TULP4: variants seen among roughly 807,000 people sequenced by gnomAD.
TULP4 encodes the protein TUB like protein 4, also known as tubby-related protein 4.
Under a neutral mutation model 129.0 loss-of-function variants are expected in TULP4, and 16 were observed. The ratio of observed to expected loss-of-function variants is 0.12; its 90% CI spans 0.08 to 0.19. TULP4 has a LOEUF of 0.19. Among genes scored for constraint, TULP4 ranks in the 10% least tolerant of loss-of-function variants. TULP4 has a pLI of 1.00. For synonymous variants in TULP4, 998 were observed against 854.0 expected (o/e 1.17, Z -2.94); for missense variants, 1,842 against 2,059.1 (o/e 0.89, Z 2.04).
Position 158,507,808 on chromosome 6 carries a change from G to T in TULP4, c.*1114G>T, listed in dbSNP as rs1780639379. 1 of 152,130 alleles carries T rather than the reference G, an allele frequency of 6.6e-6. No homozygotes were observed. Among genetic ancestry groups the T allele is most frequent in the Non-Finnish European group, 1.5e-5 (1 of 68,024 alleles). The allele number at this position is 152,130 out of a possible 1,614,324, so 9.4% of individuals were successfully genotyped here. ...CTCTTGGCTACATTAAAATTCAGTT[G>T]ACTACAAATGCTTTCTATCAAATTA... is the stretch of plus-strand genomic sequence containing the variant. On this transcript the variant is annotated 3_prime_UTR_variant, in exon 14 of 14. Transcript: ENST00000367097.
chr6:158,299,726 A>C (rs761063182), intron 1 of TULP4, among the ~76,000 whole-genome samples: 6 of 152,226 alleles, frequency 3.9e-5, no homozygotes, highest in Non-Finnish European at 8.8e-5. Context: ...TCGTTAGCAT[A>C]GATTTCCACA....
rs1285429061 is a variant in TULP4 at position 158,502,125 on chromosome 6, G to A, written c.2462G>A (p.Ser821Asn). Residue 821 changes from serine to asparagine, a missense_variant, in exon 13 of 14, where the codon AGT becomes AAT. This residue lies in a region of TULP4 where 1,089 missense variants were observed against 987.1 expected (regional missense o/e 1.10). Coordinates refer to ENST00000367097, the MANE Select transcript of TULP4 (RefSeq NM_020245.5). ...LAAEGDAVVF[S>N]APQEVQVTKI... ...GCTGAGGGGGACGCAGTGGTCTTTA[G>A]TGCCCCCCAGGAGGTCCAGGTGACG... 1.2e-6 allele frequency: 2 copies of A among 1,607,228 alleles called. No homozygotes were observed. The highest frequency in any genetic ancestry group is 2.2e-5 in the East Asian group (1 of 44,836).
upstream of TULP4, among the ~76,000 whole-genome samples, chr6:158,279,189 G>A (rs1372632751): frequency 6.6e-6 from 1 of 151,952 alleles, no homozygotes; most frequent in Admixed American, 6.6e-5. Flanking sequence ...TGATCCGCCT[G>A]CCTCGGCCTC....
intron 1 of TULP4, among the ~76,000 whole-genome samples, chr6:158,243,405 G>A (rs1447677670): frequency 6.6e-6 from 1 of 151,270 alleles, no homozygotes; most frequent in Admixed American, 6.7e-5. Context: ...GTGTATGTAT[G>A]TGTGTGTATG....
intron 1 of TULP4, among the ~76,000 whole-genome samples, chr6:158,293,148 A>G (rs567251086): frequency 6.6e-5 from 10 of 152,352 alleles, no homozygotes; most frequent in Admixed American, 2.0e-4. Context: ...ACATGTTCAT[A>G]TTCTCAGAAT....
chr6:158,239,319 C>T (rs1265536598), intron 1 of TULP4, among the ~76,000 whole-genome samples: 2 of 52,844 alleles, frequency 3.8e-5, no homozygotes, highest in South Asian at 7.4e-4. Flanking sequence ...CGGGCAGAGG[C>T]GCCCCTCACC....
At chr6:158,242,708 C>T in intron 1 of TULP4, 1 of 553,642 alleles carries the variant, frequency 1.8e-6, no homozygotes, top group Non-Finnish European at 3.4e-6. Flanking sequence ...CTTTGTGGAT[C>T]TGCAGTATCT....
In TULP4 at chr6:158,330,639, A is replaced by G. The variant is rs571489243; in HGVS notation, c.252+16371A>G. The stretch of plus-strand genomic sequence containing the variant: ...TATAGTACAGTTAGTTATCAACTTC[A>G]GGAAATTTAACGTCAATTCAATACT... On this transcript the variant is annotated intron_variant, in intron 1 of 13. Coordinates refer to ENST00000367097, the MANE Select transcript of TULP4 (RefSeq NM_020245.5). Among the ~76,000 whole-genome samples the G allele has an allele frequency of 3.9e-5, 6 of 152,358 alleles. No homozygotes were observed. The South Asian group carries it at 1.2e-3, about 32-fold the overall frequency.
chr6:158,477,786 A>G (rs553051608), intron 6 of TULP4, among the ~76,000 whole-genome samples: 86 of 152,160 alleles, frequency 5.7e-4, no homozygotes, highest in African/African-American at 2.0e-3. Flanking sequence ...TATTTGTTCT[A>G]TCATAAAGAC....
At chr6:158,381,276 G>A (rs926648411) in intron 1 of TULP4, among the ~76,000 whole-genome samples, 3 of 151,720 alleles carry the variant, frequency 2.0e-5, no homozygotes, top group Non-Finnish European at 4.4e-5. Context: ...CTGAGCGTCT[G>A]TTCTTGAATT....
chr6:158,480,904 C>G lies in TULP4; in HGVS notation c.1252-151C>G, dbSNP rs1271399003. The G allele has an allele frequency of 2.7e-5, 17 of 639,228 alleles. No individual in the cohort carries two copies. The East Asian group carries it at 4.6e-4, about 17-fold the overall frequency. The allele number at this position is 639,228 out of a possible 1,614,324, so 39.6% of individuals were successfully genotyped here. On this transcript the variant is annotated intron_variant, in intron 7 of 13. Coordinates refer to ENST00000367097, the MANE Select transcript of TULP4 (RefSeq NM_020245.5). ...TACCATTGCAAACCACTGTTCTACACCACATAGTTACCCTCTTCCCCAGGC... is the reference window on the plus strand; with the variant it reads ...TACCATTGCAAACCACTGTTCTACAGCACATAGTTACCCTCTTCCCCAGGC...
chr6:158,388,831 A>G (rs1473386174), intron 1 of TULP4, among the ~76,000 whole-genome samples: 2 of 152,204 alleles, frequency 1.3e-5, no homozygotes, highest in Non-Finnish European at 2.9e-5. Context: ...CTCACAAAAG[A>G]AGGATATGAC....
chr6:158,410,342 G>T (rs758298568), intron 1 of TULP4, among the ~76,000 whole-genome samples: 1 of 151,882 alleles, frequency 6.6e-6, no homozygotes, highest in Non-Finnish European at 1.5e-5. Flanking sequence ...TCATGGAGAG[G>T]TTTGTTTTTG....
upstream of TULP4, among the ~76,000 whole-genome samples, chr6:158,311,737 G>T (rs1779359290): frequency 6.6e-6 from 1 of 152,202 alleles, no homozygotes; most frequent in Admixed American, 6.5e-5. Context: ...CACATTCGGA[G>T]TTCAGTCTCT....
chr6:158,372,646 T>C (rs1040202685), intron 1 of TULP4, among the ~76,000 whole-genome samples: 2 of 152,180 alleles, frequency 1.3e-5, no homozygotes, highest in Non-Finnish European at 2.9e-5. Context: ...GCCAAGCATT[T>C]TATATACTCT....
intron 1 of TULP4, among the ~76,000 whole-genome samples, chr6:158,287,027 T>C (rs951772065): frequency 6.6e-6 from 1 of 152,194 alleles, no homozygotes; most frequent in African/African-American, 2.4e-5. Flanking sequence ...CTTTTCTAGG[T>C]CTGGAGATTC....
At position 158,477,648 on chromosome 6, in the gene TULP4, G is replaced by A. The variant is rs188635489; in HGVS notation, c.1027-2103G>A. Among the ~76,000 whole-genome samples the A allele has an allele frequency of 3.9e-5, 6 of 152,254 alleles. No homozygotes were observed. The East Asian group carries it at 9.6e-4, about 24-fold the overall frequency. On this transcript the variant is annotated intron_variant, in intron 6 of 13. Transcript: ENST00000367097. ...GGCATGGTTGCAGAGAAAAGGAAAC[G>A]CTTCTACACTGCTAGTGGGAGTGTA...
In TULP4 at chr6:158,439,166, G is replaced by A. The variant is rs530033743; in HGVS notation, c.543+9269G>A. 6.4e-4 allele frequency among the ~76,000 whole-genome samples: 70 copies of A among 109,448 alleles called. No homozygotes were observed. In the South Asian group the frequency reaches 0.02, roughly 32 times the overall value. 71.8% of individuals were successfully genotyped at this position (109,448 alleles called of 152,430 possible). ...AGCCTGGGTGACAGAGCAAGACTCC[G>A]TCTCAAAAAAAAAATAATAATAATT... On this transcript the variant is annotated intron_variant, in intron 3 of 13. Coordinates refer to ENST00000367097, the MANE Select transcript of TULP4 (RefSeq NM_020245.5).
chr6:158,240,355 C>A (rs1583666055), intron 1 of TULP4, among the ~76,000 whole-genome samples: 2 of 79,396 alleles, frequency 2.5e-5, no homozygotes, highest in Admixed American at 1.3e-4. Context: ...CTGACTCCCC[C>A]ACCTCCCTCC....
Sources: gnomAD v4.1 joint callset for allele counts (sites outside exome capture counted in the v4.1 genomes callset) on GRCh38, gnomAD v4.1.1 for gene constraint, gnomAD v4.1.1 regional missense constraint, MANE v1.5 for transcripts, NCBI Gene and HGNC (gene_info 2026-07-23, HGNC 2026-07-21) for gene names.